Variants in ESPNL observed in about 807,000 individuals in gnomAD.
ESPNL encodes the protein espin-like protein.
In ESPNL, 49 loss-of-function variants were observed where a neutral mutation model predicts 46.8. The ratio of observed to expected loss-of-function variants is 1.05; its 90% CI spans 0.83 to 1.33. The LOEUF is 1.33. ESPNL is among the 40% of genes most tolerant of loss of function. The pLI is 0.00. For synonymous variants in ESPNL, 664 were observed against 662.1 expected (o/e 1.00, Z -0.04); for missense variants, 1,540 against 1,436.6 (o/e 1.07, Z -1.16).
At chr2:238,129,474 G>A (rs185143289) in intron 8 of ESPNL, among the ~76,000 whole-genome samples, 204 of 152,286 alleles carry the variant, frequency 1.3e-3, no homozygotes, top group African/African-American at 4.6e-3. Context: ...AGGCGCCCTG[G>A]CATGGAGTGG....
intron 5 of ESPNL, among the ~76,000 whole-genome samples, chr2:238,122,809 C>G (rs1466894828): frequency 4.6e-5 from 7 of 152,220 alleles, no homozygotes; most frequent in Non-Finnish European, 1.5e-5. Context: ...TTGGGGTGGC[C>G]TTGCTGTTGA....
Position 238,100,387 on chromosome 2 carries a change from G to C in ESPNL, c.-33G>C. 1 of 1,567,140 alleles carries C rather than the reference G, an allele frequency of 6.4e-7. No homozygotes were observed. Among genetic ancestry groups the C allele is most frequent in the Non-Finnish European group, 8.6e-7 (1 of 1,161,928 alleles). On this transcript the variant is annotated 5_prime_UTR_variant, in exon 1 of 9. Transcript: ENST00000343063. ...TCTGAAACAGGAAGCCCCAGCCTGT[G>C]CATGAGTCGCCACTGAGAGCCCGGG...
rs374701717 is a variant in ESPNL at position 238,130,982 on chromosome 2, G to A, written c.2268G>A (p.Pro756=). 1.9e-5 allele frequency: 30 copies of A among 1,548,002 alleles called. No homozygotes were observed. The highest frequency in any genetic ancestry group is 1.2e-4 in the East Asian group (5 of 41,050). ...ACTGGAGGAGATCGGCCTACACGCC[G>A]GCCCTCAAGACAGTGGCCTGCAGGA... ...LSHWRRSAYT[P]ALKTVACRTL... The change falls in exon 9 of 9, where the codon CCG becomes CCA. Residue 756 remains proline, a synonymous_variant. Transcript: ENST00000343063.
In ESPNL at chr2:238,132,074, C is replaced by A. The variant is rs944464732; in HGVS notation, c.*342C>A. On this transcript the variant is annotated 3_prime_UTR_variant, in exon 9 of 9. Coordinates refer to ENST00000343063, the MANE Select transcript of ESPNL (RefSeq NM_194312.4). ...TCCCCAGTGTCACCAGTTCCCTTGGCGTCCTGTCCCTCAGTTTCTGTGGTG... is the reference window on the plus strand; with the variant it reads ...TCCCCAGTGTCACCAGTTCCCTTGGAGTCCTGTCCCTCAGTTTCTGTGGTG... 1.3e-5 allele frequency: 3 copies of A among 223,726 alleles called. No individual in the cohort carries two copies. The highest frequency in any genetic ancestry group is 2.6e-5 in the Non-Finnish European group (3 of 114,168). 13.9% of individuals were successfully genotyped at this position (223,726 alleles called of 1,614,324 possible).
intron 5 of ESPNL, among the ~76,000 whole-genome samples, chr2:238,122,681 C>G (rs1692014340): frequency 6.6e-6 from 1 of 152,250 alleles, no homozygotes; most frequent in Non-Finnish European, 1.5e-5. Context: ...TCTCCACTGA[C>G]AGCAGGTTCC....
chr2:238,118,976 GGTT>G (rs1691904135), intron 5 of ESPNL, among the ~76,000 whole-genome samples: 2 of 142,468 alleles, frequency 1.4e-5, no homozygotes, highest in African/African-American at 2.7e-5. Flanking sequence ...GATGGAGGAG[GGTT>G]AATGGAGGAG....
intron 5 of ESPNL, among the ~76,000 whole-genome samples, chr2:238,124,525 G>A (rs1156935000): frequency 2.6e-5 from 4 of 152,284 alleles, no homozygotes; most frequent in East Asian, 1.9e-4. Flanking sequence ...CAGGGCAGTC[G>A]GGGAGGGGGG....
In ESPNL at chr2:238,131,663, C is replaced by T. The variant is rs1287382241; in HGVS notation, c.2949C>T (p.Cys983=). 4 of 1,603,824 alleles carry T rather than the reference C, an allele frequency of 2.5e-6. No homozygotes were observed. The highest frequency in any genetic ancestry group is 1.7e-5 in the Admixed American group (1 of 59,798). ...QQGSFNGEDI[C]GYINRSFAFW... The stretch of plus-strand genomic sequence containing the variant: ...GCAGCTTCAACGGTGAGGACATCTG[C>T]GGCTACATCAACCGCAGCTTTGCCT... The change falls in exon 9 of 9, where the codon TGC becomes TGT. Residue 983 remains cysteine, a synonymous_variant. Transcript: ENST00000343063.
chr2:238,102,863 C>G (rs1381225947), intron 2 of ESPNL, among the ~76,000 whole-genome samples: 1 of 152,206 alleles, frequency 6.6e-6, no homozygotes, highest in African/African-American at 2.4e-5. Flanking sequence ...CGGCTCTTCT[C>G]TTTTCGAGGC....
At chr2:238,107,705 C>G in intron 3 of ESPNL, 86 bp from the exon 4 acceptor site, 2 of 1,334,652 alleles carry the variant, frequency 1.5e-6, no homozygotes, top group Non-Finnish European at 2.0e-6. Context: ...AGCCAGAGTC[C>G]ACTTTCACTT....
rs571618052 is a variant in ESPNL, at chr2:238,100,429, C to A, written c.10C>A (p.Gln4Lys). 2 of 1,600,924 alleles carry A rather than the reference C, an allele frequency of 1.2e-6. No individual in the cohort carries two copies. The highest frequency in any genetic ancestry group is 2.3e-5 in the South Asian group (2 of 88,710). MEK[Q>K]RALVAAKDGD... ...GAGCCCGGGCCAGAGGATGGAGAAG[C>A]AGCGGGCACTCGTGGCCGCCAAGGA... The change falls in exon 1 of 9, where the codon CAG becomes AAG. Residue 4 changes from glutamine to lysine, a missense_variant. Physicochemically the swap from Gln to Lys is moderately conservative, Grantham distance 53. Coordinates refer to ENST00000343063, the MANE Select transcript of ESPNL (RefSeq NM_194312.4).
rs1208732854 is a variant in ESPNL at position 238,131,517 on chromosome 2, T to G, written c.2803T>G (p.Trp935Gly). 1.9e-6 allele frequency: 3 copies of G among 1,611,590 alleles called. No individual in the cohort carries two copies. The highest frequency in any genetic ancestry group is 2.7e-5 in the African/African-American group (2 of 75,032). ...RFFGSSQRPAWDTEPGRKSGL... is the reference protein window; with the variant it reads ...RFFGSSQRPAGDTEPGRKSGL... ...CTTTGGCTCCAGCCAGCGTCCCGCC[T>G]GGGATACGGAGCCTGGCCGCAAGTC... Residue 935 changes from tryptophan (W) to glycine (G), a missense_variant, in exon 9 of 9, where the codon TGG becomes GGG. Physicochemically the swap from Trp to Gly is radical, Grantham distance 184. Transcript: ENST00000343063.
rs1692371728 is a variant in ESPNL, at chr2:238,132,740, C to T, written c.*1008C>T. The T allele has an allele frequency of 2.0e-5, 3 of 152,336 alleles. No individual in the cohort carries two copies. Among genetic ancestry groups the T allele is most frequent in the Admixed American group, 2.0e-4 (3 of 15,286 alleles). 9.4% of individuals were successfully genotyped at this position (152,336 alleles called of 1,614,324 possible). On this transcript the variant is annotated 3_prime_UTR_variant, in exon 9 of 9. Coordinates refer to ENST00000343063, the MANE Select transcript of ESPNL (RefSeq NM_194312.4). ...GGCTGGCATAGGGTGTGGCTTGTCC[C>T]CAGCTTCTGATGGCAGCCAGGAGAA...
chr2:238,100,580 T>G lies in ESPNL; in HGVS notation c.161T>G (p.Phe54Cys), dbSNP rs1258936409. The G allele has an allele frequency of 1.3e-6, 2 of 1,569,832 alleles. No individual in the cohort carries two copies. Among genetic ancestry groups the G allele is most frequent in the Non-Finnish European group, 1.7e-6 (2 of 1,160,266 alleles). ...GCTGGCCACCTGGACTGCGTCAAGT[T>G]CTTGGTGCAGCGGGCCCAGCTGCCC... ...TRAGHLDCVK[F>C]LVQRAQLPGN... Residue 54 changes from phenylalanine to cysteine, a missense_variant, in exon 1 of 9, where the codon TTC becomes TGC. Coordinates refer to ENST00000343063, the MANE Select transcript of ESPNL (RefSeq NM_194312.4).
At chr2:238,107,720 T>C (rs1345651806) in intron 3 of ESPNL, 71 bp from the exon 4 acceptor site, 4 of 1,436,482 alleles carry the variant, frequency 2.8e-6, no homozygotes, top group Non-Finnish European at 2.8e-6. Context: ...TCACTTCTGC[T>C]CCAAGCCCCT....
chr2:238,124,791 G>A (rs1692067654), intron 5 of ESPNL, among the ~76,000 whole-genome samples: 1 of 150,900 alleles, frequency 6.6e-6, no homozygotes. Context: ...GAGAGTACGT[G>A]CGTGTGTGTG....
Position 238,128,910 on chromosome 2 carries a change from C to A in ESPNL, c.1413+6C>A. 3.9e-6 allele frequency: 6 copies of A among 1,534,896 alleles called. No individual in the cohort carries two copies. The highest frequency in any genetic ancestry group is 1.4e-5 in the African/African-American group (1 of 72,890). On this transcript the variant is annotated splice_donor_region_variant and intron_variant, in intron 8 of 8. Transcript: ENST00000343063. ...AGAGCTCCGCAGAGGCCCAGGTAGG[C>A]CCCCGGCAGGGGCGGGACCAGTGGG...
At chr2:238,105,768 C>T (rs1691583494) in intron 3 of ESPNL, among the ~76,000 whole-genome samples, 3 of 152,126 alleles carry the variant, frequency 2.0e-5, no homozygotes, top group Non-Finnish European at 2.9e-5. Flanking sequence ...GGCTCGGAGC[C>T]AGGAGCAGTA....
At chr2:238,120,133 G>C (rs1691954312) in intron 5 of ESPNL, among the ~76,000 whole-genome samples, 2 of 152,216 alleles carry the variant, frequency 1.3e-5, no homozygotes, top group African/African-American at 2.4e-5. Flanking sequence ...TTCAGCAGAA[G>C]GCTGTCTTTC....
Sources: allele counts gnomAD v4.1 joint callset (sites outside exome capture counted in the v4.1 genomes callset), GRCh38; gene constraint gnomAD v4.1.1; transcripts MANE v1.5; gene names NCBI Gene and HGNC (gene_info 2026-07-23, HGNC 2026-07-21).